The following ARHGAP21 variants were observed in gnomAD, a reference collection of about 807,000 sequenced individuals.
ARHGAP21 encodes rho GTPase-activating protein 21.
Under a neutral mutation model 164.6 loss-of-function variants are expected in ARHGAP21, and 38 were observed. The observed-to-expected ratio is 0.23, with a 90% confidence interval of 0.18 to 0.30. The LOEUF (loss-of-function observed/expected upper bound fraction) is 0.30, where lower values mean the gene tolerates loss of function less well. Among genes scored for constraint, ARHGAP21 ranks in the 10% least tolerant of loss-of-function variants. The probability of loss-of-function intolerance (pLI) is 1.00; values close to 1 mark genes in which losing one functional copy is unlikely to be tolerated. For synonymous variants in ARHGAP21, 766 were observed against 857.9 expected (o/e 0.89, Z 1.87); for missense variants, 1,822 against 2,370.7 (o/e 0.77, Z 4.81).
chr10:24,645,585 GA>G (rs34672775), intron 4 of ARHGAP21, among the ~76,000 whole-genome samples: 44,286 of 116,138 alleles, frequency 0.38, 7,356 homozygotes, highest in African/African-American at 0.51. Flanking sequence ...CTCTGTCTCA[GA>G]AAAAAAAAAA....
chr10:24,686,026 AC>A (rs1842176936), intron 2 of ARHGAP21, among the ~76,000 whole-genome samples: 1 of 152,226 alleles, frequency 6.6e-6, no homozygotes, highest in Admixed American at 6.5e-5. Flanking sequence ...GGCAATATCT[AC>A]TAAGAAACTT....
chr10:24,719,161 G>C lies in ARHGAP21; in HGVS notation c.63+2676C>G, dbSNP rs542298619. Among the ~76,000 whole-genome samples, 5 of 151,990 alleles carry C rather than the reference G, an allele frequency of 3.3e-5. No individual in the cohort carries two copies. The East Asian group carries it at 9.7e-4, about 29-fold the overall frequency. ...AAATCACTTAAGAGGTTCAGAGTGAGTGATTTCAAGTTTTAAAAATACACC... is the reference window on the plus strand; with the variant it reads ...AAATCACTTAAGAGGTTCAGAGTGACTGATTTCAAGTTTTAAAAATACACC... On this transcript the variant is annotated intron_variant, in intron 2 of 25. Transcript: ENST00000396432.
intron 4 of ARHGAP21, among the ~76,000 whole-genome samples, chr10:24,662,207 A>G (rs1417959115): frequency 6.6e-6 from 1 of 152,168 alleles, no homozygotes; most frequent in Non-Finnish European, 1.5e-5. Context: ...AACATACCCT[A>G]TATTTATCTT....
chr10:24,622,483 T>C (rs933293005), intron 8 of ARHGAP21, among the ~76,000 whole-genome samples: 43 of 111,560 alleles, frequency 3.9e-4, no homozygotes, highest in African/African-American at 9.9e-4. Flanking sequence ...TATATATATA[T>C]ATACTGATGC....
chr10:24,595,208 A>T lies in ARHGAP21; in HGVS notation c.3713-18T>A. Reference sequence around the variant, plus strand: ...ATATTTATCTGACGACAAGAACAATAAAACAAATTTATCTTAAATTGCCTA... The same window carrying T: ...ATATTTATCTGACGACAAGAACAATTAAACAAATTTATCTTAAATTGCCTA... On this transcript the variant is annotated intron_variant, in intron 19 of 25. Coordinates refer to ENST00000396432, the MANE Select transcript of ARHGAP21 (RefSeq NM_020824.4). 1 of 1,594,282 alleles carries T rather than the reference A, an allele frequency of 6.3e-7. No individual in the cohort carries two copies. The highest frequency in any genetic ancestry group is 2.2e-5 in the East Asian group (1 of 44,660).
chr10:24,604,504 A>T (rs534477025), intron 11 of ARHGAP21, among the ~76,000 whole-genome samples, 156 bp from the exon 12 acceptor site: 2 of 152,332 alleles, frequency 1.3e-5, no homozygotes, highest in South Asian at 4.1e-4. Flanking sequence ...AGAGAAAAAA[A>T]GCTAATTTTA....
intron 4 of ARHGAP21, among the ~76,000 whole-genome samples, chr10:24,639,930 CA>C (rs1836816894): frequency 6.7e-6 from 1 of 150,184 alleles, no homozygotes; most frequent in Non-Finnish European, 1.5e-5. Flanking sequence ...AAAAAAAAAC[CA>C]CACTAAAGCT....
At position 24,670,245 on chromosome 10, in the gene ARHGAP21, T is replaced by C. The variant is rs1239974902; in HGVS notation, c.216A>G (p.Pro72=). 1.9e-6 allele frequency: 3 copies of C among 1,599,408 alleles called. No homozygotes were observed. Among genetic ancestry groups the C allele is most frequent in the African/African-American group, 2.7e-5 (2 of 74,464 alleles). Residue 72 remains proline, a synonymous_variant, in exon 3 of 26, where the codon CCA becomes CCG. Transcript: ENST00000396432. ...FTLRHFIVYP[P]ESAIQFSYKD... is the part of the protein sequence containing the mutation. ...TATATGAAAATTGAATTGCAGACTC[T>C]GGGGGATAAACAATAAAATGTCTTA...
At position 24,590,996 on chromosome 10, in the gene ARHGAP21, T is replaced by G. The variant is rs974136093; in HGVS notation, c.4150+229A>C. ...GTGGTTTGCATGCTCATTTCCCTCATAGTTCCATTCTGACAAACATTACAA... is the reference window on the plus strand; with the variant it reads ...GTGGTTTGCATGCTCATTTCCCTCAGAGTTCCATTCTGACAAACATTACAA... On this transcript the variant is annotated intron_variant, in intron 24 of 25. Transcript: ENST00000396432. 3.8e-5 allele frequency: 32 copies of G among 841,396 alleles called. No individual in the cohort carries two copies. The African/African-American group carries it at 5.8e-4, about 15-fold the overall frequency. 52.1% of individuals were successfully genotyped at this position (841,396 alleles called of 1,614,324 possible).
chr10:24,669,306 C>G (rs948098328), intron 3 of ARHGAP21, among the ~76,000 whole-genome samples: 2 of 152,072 alleles, frequency 1.3e-5, no homozygotes, highest in African/African-American at 4.8e-5. Context: ...AAAATACGGA[C>G]ACTACTTTTT....
At chr10:24,632,220 A>G (rs1835915251) in intron 6 of ARHGAP21, among the ~76,000 whole-genome samples, 1 of 152,266 alleles carries the variant, frequency 6.6e-6, no homozygotes, top group Non-Finnish European at 1.5e-5. Flanking sequence ...TACCAGTAAC[A>G]GAAGAATCAA....
At chr10:24,707,720 T>A (rs1424385195) in intron 2 of ARHGAP21, among the ~76,000 whole-genome samples, 2 of 152,124 alleles carry the variant, frequency 1.3e-5, no homozygotes, top group Non-Finnish European at 2.9e-5. Context: ...ACCTCTCATA[T>A]CTAGCTACCA....
intron 2 of ARHGAP21, among the ~76,000 whole-genome samples, chr10:24,704,632 AT>A (rs1844049270): frequency 1.3e-5 from 2 of 151,278 alleles, no homozygotes; most frequent in Admixed American, 6.6e-5. Flanking sequence ...CGCCTGGCTA[AT>A]TTTTTTTGTA....
At chr10:24,707,524 A>C (rs975900499) in intron 2 of ARHGAP21, among the ~76,000 whole-genome samples, 1 of 152,174 alleles carries the variant, frequency 6.6e-6, no homozygotes, top group African/African-American at 2.4e-5. Flanking sequence ...CCCAAGCTCC[A>C]AATCTGCGTG....
In ARHGAP21 at chr10:24,595,920, T is replaced by C; in HGVS notation, c.3601A>G (p.Lys1201Glu). 1 of 1,613,508 alleles carries C rather than the reference T, an allele frequency of 6.2e-7. No individual in the cohort carries two copies. Among genetic ancestry groups the C allele is most frequent in the Non-Finnish European group, 8.5e-7 (1 of 1,179,754 alleles). Residue 1201 changes from lysine (K) to glutamate (E), a missense_variant, in exon 18 of 26, where the codon AAG becomes GAG. Transcript: ENST00000396432. Reference sequence around the variant, plus strand: ...TGTATATCAATATCAGCCATTCCCTTGTTGAGTTCTTCTTGCATACTTGAG... The same window carrying C: ...TGTATATCAATATCAGCCATTCCCTCGTTGAGTTCTTCTTGCATACTTGAG... ...AISSMQEELN[K>E]GMADIDIQDD...
intron 2 of ARHGAP21, 22 bp downstream of exon 2, chr10:24,721,815 G>A: frequency 1.9e-6 from 3 of 1,613,780 alleles, no homozygotes; most frequent in Non-Finnish European, 1.7e-6. Context: ...CTGCCGGCCA[G>A]GAACGCTGGC....
At chr10:24,637,603 T>C (rs533217446) in intron 4 of ARHGAP21, among the ~76,000 whole-genome samples, 2 of 152,334 alleles carry the variant, frequency 1.3e-5, no homozygotes, top group Admixed American at 1.3e-4. Flanking sequence ...TGGGTAGCAA[T>C]GCGATGACTT....
At chr10:24,703,212 A>T (rs564692034) in intron 2 of ARHGAP21, among the ~76,000 whole-genome samples, 21 of 152,302 alleles carry the variant, frequency 1.4e-4, no homozygotes, top group Non-Finnish European at 2.8e-4. Context: ...AACCAATTTT[A>T]ATTTTCCAGT....
chr10:24,678,018 T>A (rs1162682430), intron 2 of ARHGAP21, among the ~76,000 whole-genome samples: 2 of 151,430 alleles, frequency 1.3e-5, no homozygotes, highest in Non-Finnish European at 2.9e-5. Context: ...TCCCAGCACT[T>A]AGGGAGGCAG....
Sources: gnomAD v4.1 joint callset for allele counts (sites outside exome capture counted in the v4.1 genomes callset) on GRCh38, gnomAD v4.1.1 for gene constraint, MANE v1.5 for transcripts, NCBI Gene and HGNC (gene_info 2026-07-23, HGNC 2026-07-21) for gene names.